The following FHIP1A variants were observed in gnomAD, a reference collection of about 807,000 sequenced individuals.
FHIP1A encodes FHF complex subunit HOOK-interacting protein 1A.
Under a neutral mutation model 88.6 loss-of-function variants are expected in FHIP1A, and 61 were observed. The observed-to-expected ratio is 0.69, with a 90% CI of 0.56 to 0.85. FHIP1A has a LOEUF of 0.85. Ranked by LOEUF, FHIP1A falls within the 40% of genes least tolerant of loss-of-function variation. FHIP1A has a pLI of 0.00. For missense variants in FHIP1A, 1,154 were observed against 1,273.5 expected (o/e 0.91, Z 1.43); for synonymous variants, 478 against 496.0 (o/e 0.96, Z 0.48).
At chr4:151,522,676 T>G in intron 3 of FHIP1A, among the ~76,000 whole-genome samples, 1 of 152,250 alleles carries the variant, frequency 6.6e-6, no homozygotes, top group East Asian at 1.9e-4. Flanking sequence ...AATTTTGTCC[T>G]TTGGCTTTCC....
chr4:151,576,605 C>G (rs1389023473), intron 4 of FHIP1A, among the ~76,000 whole-genome samples: 1 of 152,190 alleles, frequency 6.6e-6, no homozygotes, highest in African/African-American at 2.4e-5. Flanking sequence ...ACTTTTTAAT[C>G]ACTCCAAACT....
chr4:151,415,188 T>C (rs1195427304), intron 1 of FHIP1A, among the ~76,000 whole-genome samples: 2 of 151,718 alleles, frequency 1.3e-5, no homozygotes, highest in African/African-American at 2.4e-5. Context: ...TTTTGGTTTT[T>C]TTTTTTGTTT....
intron 7 of FHIP1A, among the ~76,000 whole-genome samples, chr4:151,618,727 C>A (rs896534967): frequency 3.3e-5 from 5 of 152,136 alleles, no homozygotes; most frequent in African/African-American, 1.2e-4. Flanking sequence ...GCTTGTTTTC[C>A]GTTTGTAGCA....
intron 7 of FHIP1A, among the ~76,000 whole-genome samples, chr4:151,627,111 C>T (rs1360357818): frequency 6.6e-6 from 1 of 152,064 alleles, no homozygotes; most frequent in Non-Finnish European, 1.5e-5. Context: ...TTTGGTTATT[C>T]GTTTAAGGTG....
At chr4:151,588,666 G>A (rs538644529) in intron 6 of FHIP1A, among the ~76,000 whole-genome samples, 174 bp from the exon 7 acceptor site, 2 of 152,160 alleles carry the variant, frequency 1.3e-5, no homozygotes, top group Non-Finnish European at 2.9e-5. Context: ...ACTGGAATAA[G>A]CTATTTGAAA....
intron 1 of FHIP1A, among the ~76,000 whole-genome samples, chr4:151,415,132 G>A (rs1171405040): frequency 6.8e-6 from 1 of 146,244 alleles, no homozygotes; most frequent in Non-Finnish European, 1.5e-5. Context: ...TTCTCATTTT[G>A]TTTTTTTTAC....
In FHIP1A at chr4:151,586,750, C is replaced by T. The variant is rs1734231974; in HGVS notation, c.842C>T (p.Ser281Phe). The T allele has an allele frequency of 1.3e-6, 2 of 1,551,376 alleles. No individual in the cohort carries two copies. The highest frequency in any genetic ancestry group is 1.4e-5 in the African/African-American group (1 of 73,160). Residue 281 changes from serine (S) to phenylalanine (F), a missense_variant, in exon 6 of 14, where the codon TCT (serine) becomes TTT (phenylalanine). Coordinates refer to ENST00000435205, the MANE Select transcript of FHIP1A (RefSeq NM_001109977.3). ...AAAGATGACTGGCTTCTACTTCCTT[C>T]TCTTGTCCAGTTCATGAACTCCCTG... ...LLKDDWLLLP[S>F]LVQFMNSLEF...
At chr4:151,633,520 A>G (rs1736233875) in intron 8 of FHIP1A, among the ~76,000 whole-genome samples, 2 of 152,014 alleles carry the variant, frequency 1.3e-5, no homozygotes, top group South Asian at 4.1e-4. Flanking sequence ...ACTAGAGGCC[A>G]GTATCCCTGA....
intron 3 of FHIP1A, among the ~76,000 whole-genome samples, chr4:151,527,218 C>T (rs1163344100): frequency 6.6e-6 from 1 of 152,238 alleles, no homozygotes; most frequent in Non-Finnish European, 1.5e-5. Flanking sequence ...CGCCACTGCA[C>T]TCCAGCCTGG....
At chr4:151,621,379 AGGTCTTTCC>A (rs59928947) in intron 7 of FHIP1A, among the ~76,000 whole-genome samples, 16,834 of 151,998 alleles carry the variant, frequency 0.11, 960 homozygotes, top group African/African-American at 0.13. Context: ...CATTGTATTG[AGGTCTTTCC>A]GGTGCTCATG....
intron 1 of FHIP1A, among the ~76,000 whole-genome samples, chr4:151,417,553 G>A (rs968255329): frequency 3.3e-5 from 5 of 152,198 alleles, no homozygotes; most frequent in African/African-American, 1.2e-4. Context: ...GCGGAACAAG[G>A]AGATGGGGGT....
At chr4:151,631,743 C>G (rs913058195) in intron 8 of FHIP1A, among the ~76,000 whole-genome samples, 1 of 152,176 alleles carries the variant, frequency 6.6e-6, no homozygotes, top group Admixed American at 6.5e-5. Context: ...ATTACCTGCT[C>G]TAGCCATGTC....
rs62327202 is a variant in FHIP1A at position 151,409,362 on chromosome 4, G to A, written c.-459G>A. On this transcript the variant is annotated 5_prime_UTR_variant, in exon 1 of 14. Transcript: ENST00000435205. The stretch of plus-strand genomic sequence containing the variant: ...AGCCCGGCTTTCCTCACTGGGTCCC[G>A]CGCAGGCGTCCCCGGGACCGCAGAG... The A allele has an allele frequency of 2.0e-3, 296 of 149,302 alleles. No homozygotes were observed. Among genetic ancestry groups the A allele is most frequent in the Middle Eastern group, 6.9e-3 (2 of 290 alleles). The allele number at this position is 149,302 out of a possible 1,614,324, so 9.2% of individuals were successfully genotyped here. A position where few individuals can be genotyped will look rare whatever the true frequency, so the allele number is the denominator to read the frequency against.
intron 5 of FHIP1A, among the ~76,000 whole-genome samples, chr4:151,580,620 T>C (rs936907350): frequency 3.9e-5 from 6 of 152,188 alleles, no homozygotes; most frequent in African/African-American, 1.2e-4. Flanking sequence ...CTTCTAGATA[T>C]CTGGCTTGGA....
At chr4:151,639,826 G>A (rs970739188) in intron 9 of FHIP1A, among the ~76,000 whole-genome samples, 4 of 152,184 alleles carry the variant, frequency 2.6e-5, no homozygotes, top group Non-Finnish European at 5.9e-5. Context: ...TGCGCTCCCT[G>A]CTCCTCCTTC....
chr4:151,488,798 C>T (rs564597379), intron 3 of FHIP1A, among the ~76,000 whole-genome samples: 7 of 152,284 alleles, frequency 4.6e-5, no homozygotes, highest in Admixed American at 2.6e-4. Context: ...TATCACCCAA[C>T]GTAAGTATTC....
At chr4:151,451,880 G>T (rs1235518869) in intron 1 of FHIP1A, among the ~76,000 whole-genome samples, 13 of 150,538 alleles carry the variant, frequency 8.6e-5, no homozygotes, top group African/African-American at 2.9e-4. Flanking sequence ...AAGTGCCATG[G>T]CACTCTCACG....
chr4:151,642,916 A>G (rs1185413103), intron 9 of FHIP1A, among the ~76,000 whole-genome samples: 2 of 149,562 alleles, frequency 1.3e-5, no homozygotes, highest in East Asian at 3.9e-4. Flanking sequence ...TATATGATAC[A>G]TATTTTATTT....
intron 3 of FHIP1A, among the ~76,000 whole-genome samples, chr4:151,497,874 C>T (rs947208166): frequency 9.9e-5 from 15 of 152,166 alleles, no homozygotes; most frequent in African/African-American, 3.1e-4. Flanking sequence ...TCTGCTAAAT[C>T]GGTTTGGTGA....
Sources: allele counts gnomAD v4.1 joint callset (sites outside exome capture counted in the v4.1 genomes callset), GRCh38; gene constraint gnomAD v4.1.1; transcripts MANE v1.5; gene names NCBI Gene and HGNC (gene_info 2026-07-23, HGNC 2026-07-21).